The following KDM6A variants were observed in gnomAD, a reference collection of about 807,000 sequenced individuals.
KDM6A encodes lysine demethylase 6A.
KDM6A carries 11 observed loss-of-function variants against 117.6 expected under a neutral mutation model. The observed-to-expected ratio is 0.09, with a 90% CI of 0.06 to 0.15. The LOEUF (loss-of-function observed/expected upper bound fraction) is 0.15, where lower values mean the gene tolerates loss of function less well. Ranked by LOEUF, KDM6A falls within the 10% of genes least tolerant of loss-of-function variation. KDM6A has a pLI of 1.00. For synonymous variants in KDM6A, 384 were observed against 396.1 expected (o/e 0.97, Z 0.36); for missense variants, 799 against 1,077.3 (o/e 0.74, Z 3.62).
intron 18 of KDM6A, among the ~76,000 whole-genome samples, chrX:45,072,868 T>A (rs982689683): frequency 1.0e-5 from 1 of 97,995 alleles, no homozygotes; most frequent in Non-Finnish European, 1.9e-5. Context: ...AATATAATAA[T>A]ATATATATAT....
chrX:45,006,207 G>A (rs112508374), intron 4 of KDM6A, among the ~76,000 whole-genome samples: 9,103 of 87,824 alleles, frequency 0.1, 708 homozygotes, highest in African/African-American at 0.24. Flanking sequence ...GTTATTCCTC[G>A]CACTGGGTGA....
At chrX:45,061,186 A>AAAG (rs1401960313) in intron 14 of KDM6A, 138 bp from the exon 15 acceptor site, 18 of 381,933 alleles carry the variant, frequency 4.7e-5, no homozygotes, top group Non-Finnish European at 7.9e-5. Context: ...ATTATTTTTT[A>AAAG]AAGAATTTAA....
At chrX:44,884,102 C>CAAA (rs60159327) in intron 2 of KDM6A, among the ~76,000 whole-genome samples, 1 of 23,769 alleles carries the variant, frequency 4.2e-5, no homozygotes, top group Non-Finnish European at 8.5e-5. Flanking sequence ...AACTCTATCT[C>CAAA]AAAAAAAAAA....
At chrX:45,023,405 T>G (rs2042246351) in intron 6 of KDM6A, among the ~76,000 whole-genome samples, 1 of 111,667 alleles carries the variant, frequency 9.0e-6, no homozygotes, top group African/African-American at 3.3e-5. Context: ...GTTGTGTTTC[T>G]GTCACTGGTG....
intron 14 of KDM6A, 97 bp downstream of exon 14, chrX:45,060,861 A>G (rs1278057704): frequency 1.2e-5 from 6 of 507,217 alleles, no homozygotes; most frequent in Non-Finnish European, 1.7e-5. Flanking sequence ...TTTATTTTAA[A>G]TTTGTGGACA....
intron 6 of KDM6A, among the ~76,000 whole-genome samples, chrX:45,032,412 C>G (rs2042635735): frequency 8.9e-6 from 1 of 112,053 alleles, no homozygotes. Context: ...CTTCATCTCT[C>G]TTGAGAGTGC....
intron 4 of KDM6A, among the ~76,000 whole-genome samples, chrX:45,009,981 T>G (rs968126891): frequency 6.2e-5 from 7 of 112,364 alleles, no homozygotes; most frequent in Non-Finnish European, 1.1e-4. Context: ...ATTGTAATAA[T>G]AGTTAAAATT....
In KDM6A at chrX:45,068,266, A is replaced by AT. The variant is rs374482119; in HGVS notation, c.2080-1309dup. Among the ~76,000 whole-genome samples, 516 of 111,225 alleles carry AT rather than the reference A, an allele frequency of 4.6e-3. 5 individuals carry two copies. In the South Asian group the frequency reaches 0.06, roughly 13 times the overall value. On this transcript the variant is annotated intron_variant, in intron 17 of 29. Transcript: ENST00000611820. ...GAAAAATTGGCTGTCCTATTTAATT[A>AT]TTTTGTAAGTAAAATGAAATGAAAA...
intron 8 of KDM6A, among the ~76,000 whole-genome samples, chrX:45,047,638 G>T (rs1343406753): frequency 2.4e-5 from 1 of 42,286 alleles, no homozygotes; most frequent in Non-Finnish European, 5.6e-5. Context: ...TTTTTCTTTT[G>T]TCCACATTCT....
chrX:44,918,195 G>A (rs777511630), intron 2 of KDM6A, among the ~76,000 whole-genome samples: 1 of 111,352 alleles, frequency 9.0e-6, no homozygotes, highest in South Asian at 3.7e-4. Context: ...AATATAAACT[G>A]AACTAAACCC....
rs184251297 is a variant in KDM6A, at chrX:44,926,525, T to C, written c.226-34759T>C. ...CTTTCAGTCTTCTGTTAGTATAATCTTACATGTTATTTTATGAAATGCATA... is the reference window on the plus strand; with the variant it reads ...CTTTCAGTCTTCTGTTAGTATAATCCTACATGTTATTTTATGAAATGCATA... On this transcript the variant is annotated intron_variant, in intron 2 of 29. Coordinates refer to ENST00000611820, the MANE Select transcript of KDM6A (RefSeq NM_001291415.2). 2.5e-3 allele frequency among the ~76,000 whole-genome samples: 276 copies of C among 111,869 alleles called. 1 individual carries two copies. Among genetic ancestry groups the C allele is most frequent in the Admixed American group, 5.8e-3 (61 of 10,489 alleles).
intron 4 of KDM6A, among the ~76,000 whole-genome samples, chrX:44,997,179 A>G (rs962895934): frequency 2.7e-5 from 3 of 112,545 alleles, no homozygotes; most frequent in Non-Finnish European, 3.8e-5. Flanking sequence ...CCTTGTCGCA[A>G]GGACAGAGGG....
intron 2 of KDM6A, among the ~76,000 whole-genome samples, chrX:44,953,370 A>T (rs945701552): frequency 2.7e-5 from 3 of 111,620 alleles, no homozygotes; most frequent in Non-Finnish European, 3.8e-5. Flanking sequence ...AGCCACACCT[A>T]CAAGAATGGC....
intron 18 of KDM6A, among the ~76,000 whole-genome samples, chrX:45,075,089 A>G (rs998184991): frequency 2.7e-5 from 3 of 111,925 alleles, no homozygotes; most frequent in Non-Finnish European, 5.7e-5. Flanking sequence ...ACAGTAGTAT[A>G]TCCATCTCCT....
rs2034074170 is a variant in KDM6A, at chrX:44,898,572, A to G, written c.225+24585A>G. Among the ~76,000 whole-genome samples the G allele has an allele frequency of 5.4e-5, 6 of 111,088 alleles. No individual in the cohort carries two copies. In the South Asian group the frequency reaches 2.3e-3, roughly 42 times the overall value. On this transcript the variant is annotated intron_variant, in intron 2 of 29. Transcript: ENST00000611820. ...TGGTGGTGAAAGGTAGTGGTGACTAACTGCTTCACGCAGCTTTATTAAGCC... is the reference window on the plus strand; with the variant it reads ...TGGTGGTGAAAGGTAGTGGTGACTAGCTGCTTCACGCAGCTTTATTAAGCC...
intron 2 of KDM6A, among the ~76,000 whole-genome samples, chrX:44,936,035 G>A (rs1412829162): frequency 8.9e-6 from 1 of 112,010 alleles, no homozygotes; most frequent in African/African-American, 3.2e-5. Flanking sequence ...CTGGGTGATT[G>A]AAAACACAGA....
chrX:45,069,520 AT>A (rs2044715482), intron 17 of KDM6A, 58 bp from the exon 18 acceptor site: 1 of 988,678 alleles, frequency 1.0e-6, no homozygotes, highest in African/African-American at 1.9e-5. Context: ...AATATTTTAA[AT>A]TCTGTATATT....
At chrX:45,018,078 G>A (rs2042035104) in intron 5 of KDM6A, among the ~76,000 whole-genome samples, 1 of 111,369 alleles carries the variant, frequency 9.0e-6, no homozygotes, top group Admixed American at 9.6e-5. Flanking sequence ...AAATGGAGTT[G>A]AATAAGTACT....
chrX:44,880,806 A>AC (rs368936949), intron 2 of KDM6A, among the ~76,000 whole-genome samples: 6 of 28,593 alleles, frequency 2.1e-4, no homozygotes, highest in African/African-American at 1.2e-3. Flanking sequence ...AAACAAACAA[A>AC]AAAAAGTACT....
Sources: gnomAD v4.1 joint callset for allele counts (sites outside exome capture counted in the v4.1 genomes callset) on GRCh38, gnomAD v4.1.1 for gene constraint, MANE v1.5 for transcripts, NCBI Gene and HGNC (gene_info 2026-07-23, HGNC 2026-07-21) for gene names.